The following SMIM14 variants were observed in gnomAD, a reference collection of about 807,000 sequenced individuals.
The protein encoded by SMIM14 is small integral membrane protein 14, also known as chromosome 4 open reading frame 34.
SMIM14 carries 5 observed loss-of-function variants against 12.6 expected under a neutral mutation model. The ratio of observed to expected loss-of-function variants is 0.40; its 90% CI spans 0.21 to 0.83. The LOEUF (loss-of-function observed/expected upper bound fraction) is 0.83. Ranked by LOEUF, SMIM14 falls within the 40% of genes least tolerant of loss-of-function variation. The pLI is 0.37. For missense variants in SMIM14, 86 were observed against 119.1 expected (o/e 0.72, Z 1.29); for synonymous variants, 30 against 40.1 (o/e 0.75, Z 0.95).
At chr4:39,637,059 G>T (rs924232615) in intron 1 of SMIM14, among the ~76,000 whole-genome samples, 3 of 152,118 alleles carry the variant, frequency 2.0e-5, no homozygotes, top group Non-Finnish European at 4.4e-5. Flanking sequence ...ACTCAAAAAA[G>T]AAGTACTAGA....
At chr4:39,556,215 G>C (rs1712004459) in intron 4 of SMIM14, among the ~76,000 whole-genome samples, 1 of 151,924 alleles carries the variant, frequency 6.6e-6, no homozygotes, top group African/African-American at 2.4e-5. Context: ...TGGGCTTCTG[G>C]TCTGTGCTTC....
intron 1 of SMIM14, among the ~76,000 whole-genome samples, chr4:39,625,050 C>CA (rs1463694131): frequency 4.1e-4 from 57 of 138,876 alleles, no homozygotes; most frequent in Middle Eastern, 3.8e-3. Context: ...ACTAAAGATA[C>CA]AAAAAAAAAA....
At chr4:39,619,845 T>A (rs1483183885) in intron 1 of SMIM14, among the ~76,000 whole-genome samples, 4 of 77,172 alleles carry the variant, frequency 5.2e-5, no homozygotes, top group Non-Finnish European at 9.3e-5. Context: ...AATGTATATA[T>A]ATATTTATAT....
At chr4:39,598,636 T>G (rs1714472421) in intron 2 of SMIM14, among the ~76,000 whole-genome samples, 1 of 152,210 alleles carries the variant, frequency 6.6e-6, no homozygotes, top group Non-Finnish European at 1.5e-5. Flanking sequence ...ACGTTCACAG[T>G]TGAGCCACAC....
At chr4:39,577,693 G>T (rs750565939) in intron 2 of SMIM14, among the ~76,000 whole-genome samples, 4 of 152,142 alleles carry the variant, frequency 2.6e-5, no homozygotes, top group Admixed American at 6.6e-5. Flanking sequence ...CTCCTAAAGT[G>T]CTGGGATTTA....
At chr4:39,598,208 C>T (rs185085998) in intron 2 of SMIM14, among the ~76,000 whole-genome samples, 99 of 152,348 alleles carry the variant, frequency 6.5e-4, no homozygotes, top group African/African-American at 2.4e-3. Flanking sequence ...ACAGATCCAG[C>T]TACTCAATAG....
intron 1 of SMIM14, among the ~76,000 whole-genome samples, chr4:39,622,788 G>A (rs2110076324): frequency 1.3e-5 from 2 of 152,258 alleles, no homozygotes; most frequent in East Asian, 3.9e-4. Context: ...TGTTATCTCT[G>A]GGTGGCAGGA....
chr4:39,609,955 A>T (rs1714964253), intron 1 of SMIM14, among the ~76,000 whole-genome samples: 1 of 152,232 alleles, frequency 6.6e-6, no homozygotes, highest in African/African-American at 2.4e-5. Flanking sequence ...CCCTATTCTC[A>T]TTCCTTATGC....
At chr4:39,607,131 ATC>A (rs1157903604) in intron 1 of SMIM14, among the ~76,000 whole-genome samples, 4 of 152,334 alleles carry the variant, frequency 2.6e-5, no homozygotes, top group Non-Finnish European at 5.9e-5. Context: ...GTGAGAACCC[ATC>A]TCTGAAAAAA....
chr4:39,557,646 A>G (rs1473344866), intron 3 of SMIM14, among the ~76,000 whole-genome samples: 1 of 152,142 alleles, frequency 6.6e-6, no homozygotes, highest in East Asian at 1.9e-4. Context: ...TCCATTCTGG[A>G]TTAAAAATAA....
rs1478681884 is a variant in SMIM14 at position 39,546,388 on chromosome 4, C to G, written c.*5738G>C. The G allele has an allele frequency of 6.6e-6, 1 of 152,152 alleles. No individual in the cohort carries two copies. The highest frequency in any genetic ancestry group is 2.4e-5 in the African/African-American group (1 of 41,442). 9.4% of individuals were successfully genotyped at this position (152,152 alleles called of 1,614,324 possible). On this transcript the variant is annotated 3_prime_UTR_variant, in exon 5 of 5. Transcript: ENST00000295958. Reference sequence around the variant, plus strand: ...TAATACATTTGTCTGAGAAGAGATACGCACACTAAAGTCCCCTACAAGCAA... The same window carrying G: ...TAATACATTTGTCTGAGAAGAGATAGGCACACTAAAGTCCCCTACAAGCAA...
intron 2 of SMIM14, among the ~76,000 whole-genome samples, chr4:39,576,690 T>A (rs1238661958): frequency 0.09 from 505 of 5,604 alleles, 1 homozygote; most frequent in East Asian, 0.13. Flanking sequence ...ATATATTTTT[T>A]TTTTTTTTTT....
chr4:39,574,415 T>C (rs1713064404), intron 2 of SMIM14, among the ~76,000 whole-genome samples: 1 of 152,042 alleles, frequency 6.6e-6, no homozygotes, highest in African/African-American at 2.4e-5. Context: ...TAATTTCTTT[T>C]GTATTTTAGT....
At chr4:39,609,058 C>T (rs1012649621) in intron 1 of SMIM14, among the ~76,000 whole-genome samples, 3 of 152,136 alleles carry the variant, frequency 2.0e-5, no homozygotes, top group African/African-American at 7.2e-5. Flanking sequence ...CTCACTGAAA[C>T]CTCCACCTCC....
chr4:39,603,976 A>C (rs917358494), intron 2 of SMIM14, among the ~76,000 whole-genome samples: 4 of 150,838 alleles, frequency 2.7e-5, no homozygotes, highest in Non-Finnish European at 4.4e-5. Flanking sequence ...GCACCACCGC[A>C]TTCCAGCCTG....
intron 2 of SMIM14, among the ~76,000 whole-genome samples, chr4:39,585,100 A>G (rs994705384): frequency 6.6e-6 from 1 of 151,964 alleles, no homozygotes; most frequent in African/African-American, 2.4e-5. Flanking sequence ...ATTATATATA[A>G]AAGTATATAA....
At chr4:39,579,843 CAAA>C (rs528601041) in intron 2 of SMIM14, among the ~76,000 whole-genome samples, 3 of 123,922 alleles carry the variant, frequency 2.4e-5, no homozygotes, top group Non-Finnish European at 1.6e-5. Context: ...GACTCCGTCT[CAAA>C]AAAAAAAAAA....
At chr4:39,609,152 A>ATT (rs200983713) in intron 1 of SMIM14, among the ~76,000 whole-genome samples, 10 of 150,344 alleles carry the variant, frequency 6.7e-5, no homozygotes, top group African/African-American at 1.2e-4. Context: ...AATTTTTTGT[A>ATT]TTTTTTTTTA....
chr4:39,626,287 T>C (rs901731892), intron 1 of SMIM14, among the ~76,000 whole-genome samples: 60 of 152,034 alleles, frequency 3.9e-4, no homozygotes, highest in African/African-American at 1.3e-3. Flanking sequence ...TGGGGACCAC[T>C]GGATTAGAGT....
Sources: allele counts gnomAD v4.1 joint callset (sites outside exome capture counted in the v4.1 genomes callset), GRCh38; gene constraint gnomAD v4.1.1; transcripts MANE v1.5; gene names NCBI Gene and HGNC (gene_info 2026-07-23, HGNC 2026-07-21).